Variants in RAB38 observed in about 807,000 individuals in gnomAD.
The protein encoded by RAB38 is ras-related protein Rab-38.
RAB38 carries 15 observed loss-of-function variants against 18.4 expected under a neutral mutation model. The observed-to-expected ratio is 0.82, with a 90% CI of 0.55 to 1.26. The LOEUF (loss-of-function observed/expected upper bound fraction) is 1.26. Ranked by LOEUF, RAB38 falls within the 50% of genes most tolerant of loss-of-function variation. RAB38 has a pLI of 0.00. For synonymous variants in RAB38, 101 were observed against 104.4 expected (o/e 0.97, Z 0.20); for missense variants, 294 against 267.4 (o/e 1.10, Z -0.69).
chr11:87,922,924 A>AG, the RAB38 span, among the ~76,000 whole-genome samples: 1 of 151,538 alleles, frequency 6.6e-6, no homozygotes, highest in Non-Finnish European at 1.5e-5. Flanking sequence ...GGAGGAAAAA[A>AG]GAAAAGGGAA....
intron 1 of RAB38, among the ~76,000 whole-genome samples, chr11:88,155,263 G>C (rs1228749781): frequency 2.0e-5 from 3 of 152,194 alleles, no homozygotes; most frequent in African/African-American, 7.2e-5. Context: ...TGCGTTCCAA[G>C]AATCAGCCCA....
chr11:87,813,315 G>C, the RAB38 span, among the ~76,000 whole-genome samples: 1 of 152,288 alleles, frequency 6.6e-6, no homozygotes, highest in Admixed American at 6.5e-5. Context: ...AATACAGTGT[G>C]TTGATAAAGA....
At chr11:87,958,577 G>C in the RAB38 span, among the ~76,000 whole-genome samples, 4 of 152,242 alleles carry the variant, frequency 2.6e-5, no homozygotes, top group African/African-American at 9.6e-5. Flanking sequence ...CCAGCTTCTA[G>C]TGTCTTTTGT....
chr11:88,109,584 A>C (rs1292656870), downstream of RAB38, among the ~76,000 whole-genome samples: 2 of 152,238 alleles, frequency 1.3e-5, no homozygotes, highest in African/African-American at 4.8e-5. Flanking sequence ...GTGAACAGGC[A>C]ACCTACAGAA....
the RAB38 span, among the ~76,000 whole-genome samples, chr11:88,084,737 T>C: frequency 1.3e-5 from 2 of 151,946 alleles, no homozygotes; most frequent in East Asian, 1.9e-4. Context: ...TAATACATAA[T>C]AGTCAGTTAT....
chr11:88,144,567 A>G (rs2134818182), intron 2 of RAB38, among the ~76,000 whole-genome samples: 1 of 152,334 alleles, frequency 6.6e-6, no homozygotes, highest in Non-Finnish European at 1.5e-5. Flanking sequence ...AGAGAACAGT[A>G]TTAGATATAT....
intron 2 of RAB38, among the ~76,000 whole-genome samples, chr11:88,121,593 C>A (rs543082145): frequency 6.6e-6 from 1 of 151,660 alleles, no homozygotes; most frequent in African/African-American, 2.4e-5. Context: ...GACGGAGCCT[C>A]GCTCTGTCGC....
At chr11:88,040,398 C>A in the RAB38 span, among the ~76,000 whole-genome samples, 1 of 152,138 alleles carries the variant, frequency 6.6e-6, no homozygotes. Context: ...TGACCTCATT[C>A]TACCTTAATT....
the RAB38 span, among the ~76,000 whole-genome samples, chr11:87,859,261 G>A: frequency 2.0e-5 from 3 of 151,930 alleles, no homozygotes; most frequent in Non-Finnish European, 4.4e-5. Context: ...GAAATAATTA[G>A]CAGATGTCCC....
the RAB38 span, among the ~76,000 whole-genome samples, chr11:88,091,055 A>G: frequency 6.6e-6 from 1 of 152,032 alleles, no homozygotes; most frequent in Non-Finnish European, 1.5e-5. Context: ...GAGCAATAAA[A>G]TGAAGTCCAA....
At chr11:87,934,255 G>A in the RAB38 span, among the ~76,000 whole-genome samples, 1 of 151,878 alleles carries the variant, frequency 6.6e-6, no homozygotes, top group Non-Finnish European at 1.5e-5. Flanking sequence ...ATGAAATAGG[G>A]GCCTATTTAT....
chr11:88,045,903 G>A, the RAB38 span, among the ~76,000 whole-genome samples: 4 of 152,000 alleles, frequency 2.6e-5, no homozygotes, highest in Non-Finnish European at 5.9e-5. Context: ...ACTCTTTTAA[G>A]CACTCCTTTT....
the RAB38 span, among the ~76,000 whole-genome samples, chr11:87,888,351 G>A: frequency 1.5e-4 from 23 of 151,952 alleles, no homozygotes; most frequent in Non-Finnish European, 7.4e-5. Flanking sequence ...ATGCAATGCA[G>A]TATAGTTGTG....
the RAB38 span, among the ~76,000 whole-genome samples, chr11:88,086,275 C>T: frequency 7.3e-4 from 111 of 151,844 alleles, no homozygotes; most frequent in Non-Finnish European, 8.8e-4. Context: ...AGTAAAATTG[C>T]GTAAACATAT....
chr11:88,124,135 A>C (rs994994), intron 2 of RAB38, among the ~76,000 whole-genome samples: 2,598 of 152,326 alleles, frequency 0.017, 69 homozygotes, highest in African/African-American at 0.059. Flanking sequence ...GATAAAGCTA[A>C]ATAAATTAAT....
At chr11:87,871,511 A>G in the RAB38 span, among the ~76,000 whole-genome samples, 1 of 151,680 alleles carries the variant, frequency 6.6e-6, no homozygotes, top group African/African-American at 2.4e-5. Context: ...AGTGCTTTCC[A>G]GTTAAAAGCA....
intron 1 of RAB38, among the ~76,000 whole-genome samples, chr11:88,152,998 T>C (rs533346725): frequency 6.6e-6 from 1 of 151,402 alleles, no homozygotes; most frequent in South Asian, 2.1e-4. Flanking sequence ...TGGCTCATGA[T>C]TCAGCTTTCA....
At chr11:88,118,177 C>A (rs1409106439) in intron 2 of RAB38, among the ~76,000 whole-genome samples, 1 of 152,228 alleles carries the variant, frequency 6.6e-6, no homozygotes. Flanking sequence ...TAAAGGAACA[C>A]AATGGGCAGA....
intron 1 of RAB38, among the ~76,000 whole-genome samples, chr11:88,152,293 G>GTGT (rs1286038552): frequency 3.9e-5 from 6 of 152,146 alleles, no homozygotes; most frequent in Non-Finnish European, 8.8e-5. Flanking sequence ...GGTTTTCATA[G>GTGT]TAGAACAAGG....
Sources: gnomAD v4.1 joint callset for allele counts (sites outside exome capture counted in the v4.1 genomes callset) on GRCh38, gnomAD v4.1.1 for gene constraint, MANE v1.5 for transcripts, NCBI Gene and HGNC (gene_info 2026-07-23, HGNC 2026-07-21) for gene names.